Variants in NLRP14 observed in about 807,000 individuals in gnomAD.
NLRP14 encodes NLR family pyrin domain containing 14, also known as NACHT, LRR and PYD domains-containing protein 14.
A neutral mutation model predicts 94.7 loss-of-function variants in NLRP14; 105 were observed. The observed-to-expected ratio is 1.11, with a 90% CI of 0.95 to 1.30. The LOEUF (loss-of-function observed/expected upper bound fraction) is 1.30. Among genes scored for constraint, NLRP14 ranks in the 50% most tolerant of loss-of-function variants. NLRP14 has a pLI of 0.00. For missense variants in NLRP14, 1,362 were observed against 1,254.1 expected (o/e 1.09, Z -1.30); for synonymous variants, 508 against 459.9 (o/e 1.10, Z -1.34).
chr11:7,087,734 A>T, the NLRP14 span, among the ~76,000 whole-genome samples: 1 of 152,246 alleles, frequency 6.6e-6, no homozygotes, highest in Non-Finnish European at 1.5e-5. Flanking sequence ...AGAAACAAAG[A>T]CAAATCACTT....
intron 1 of NLRP14, among the ~76,000 whole-genome samples, chr11:7,023,973 G>C (rs1433103793): frequency 6.6e-6 from 1 of 152,038 alleles, no homozygotes; most frequent in East Asian, 1.9e-4. Flanking sequence ...TCCACTGTTA[G>C]AGATTACATT....
At chr11:7,062,810 A>G (rs1852645692) in intron 10 of NLRP14, among the ~76,000 whole-genome samples, 1 of 151,968 alleles carries the variant, frequency 6.6e-6, no homozygotes, top group South Asian at 2.1e-4. Context: ...CTTTGAATTA[A>G]TTTTTTTATT....
At chr11:7,049,071 T>TTTGGACA (rs1406494674) in intron 5 of NLRP14, among the ~76,000 whole-genome samples, 1 of 151,926 alleles carries the variant, frequency 6.6e-6, no homozygotes, top group African/African-American at 2.4e-5. Flanking sequence ...AAAGCGAGGT[T>TTTGGACA]TTGGACAGTG....
chr11:7,036,030 T>C (rs975222553), intron 1 of NLRP14, among the ~76,000 whole-genome samples: 2 of 152,232 alleles, frequency 1.3e-5, no homozygotes, highest in Admixed American at 1.3e-4. Context: ...AATCAAACTT[T>C]CAGGTCTGTT....
At chr11:7,056,982 C>G (rs1032459958) in intron 6 of NLRP14, among the ~76,000 whole-genome samples, 1 of 151,840 alleles carries the variant, frequency 6.6e-6, no homozygotes, top group Non-Finnish European at 1.5e-5. Context: ...TTGAGTGACT[C>G]AAGTTGGTAA....
intron 10 of NLRP14, among the ~76,000 whole-genome samples, chr11:7,068,457 A>T (rs1852741271): frequency 1.3e-5 from 2 of 152,072 alleles, no homozygotes; most frequent in Admixed American, 1.3e-4. Flanking sequence ...ACTTCCCTAG[A>T]ACTTTTTTCT....
At chr11:7,085,427 T>G in the NLRP14 span, among the ~76,000 whole-genome samples, 2 of 152,228 alleles carry the variant, frequency 1.3e-5, no homozygotes, top group African/African-American at 4.8e-5. Flanking sequence ...CATTCTACTT[T>G]CTGTCTCTAT....
At chr11:7,026,068 G>A (rs1039518424) in intron 1 of NLRP14, among the ~76,000 whole-genome samples, 2 of 152,200 alleles carry the variant, frequency 1.3e-5, no homozygotes, top group Non-Finnish European at 2.9e-5. Context: ...TGATGAATGT[G>A]TTTTTAATTG....
upstream of NLRP14, chr11:7,020,449 T>G (rs868559673): frequency 6.6e-6 from 1 of 152,132 alleles, no homozygotes; most frequent in Non-Finnish European, 1.5e-5. Flanking sequence ...GCCAGAAGTA[T>G]CCCGCGCCTC....
the NLRP14 span, among the ~76,000 whole-genome samples, chr11:7,082,937 A>T: frequency 6.6e-6 from 1 of 152,356 alleles, no homozygotes; most frequent in African/African-American, 2.4e-5. Context: ...AGGAATTCTG[A>T]CATAAAGTTT....
At chr11:7,089,652 C>T in the NLRP14 span, 19 of 1,388,512 alleles carry the variant, frequency 1.4e-5, no homozygotes, top group East Asian at 2.8e-5. Flanking sequence ...CGGTGGAATG[C>T]GCGGGAGGGC....
the NLRP14 span, chr11:7,089,656 G>T: frequency 7.1e-7 from 1 of 1,408,968 alleles, no homozygotes; most frequent in Non-Finnish European, 9.2e-7. Context: ...GGAATGCGCG[G>T]GAGGGCCCTG....
Position 7,067,202 on chromosome 11 carries a change from C to A in NLRP14, c.2976-3084C>A, listed in dbSNP as rs1852718125. Among the ~76,000 whole-genome samples the A allele has an allele frequency of 2.0e-5, 3 of 151,964 alleles. No individual in the cohort carries two copies. In the South Asian group the frequency reaches 6.2e-4, roughly 32 times the overall value. On this transcript the variant is annotated intron_variant, in intron 10 of 11. Transcript: ENST00000299481. ...CTATACGGGCTCTTTTTTGGTTCCA[C>A]ATGAAATTTAAAGTAGTTTTTTCTA... is the stretch of plus-strand genomic sequence containing the variant.
At chr11:7,024,751 ATATGTGAGTAAAATGTGAAAAAAG>A (rs1438792318) in intron 1 of NLRP14, among the ~76,000 whole-genome samples, 1 of 147,304 alleles carries the variant, frequency 6.8e-6, no homozygotes, top group Non-Finnish European at 1.5e-5. Context: ...AATGGAAAAA[ATATGTGAGTAAAATGTGAAAAAAG>A]TATGTATTTC....
chr11:7,036,930 G>A (rs10839699), intron 1 of NLRP14, among the ~76,000 whole-genome samples: 93,856 of 151,976 alleles, frequency 0.62, 29,283 homozygotes, highest in East Asian at 0.74. Context: ...ATTTCTAATG[G>A]ATTAAATCCC....
At chr11:7,044,968 G>A (rs1589863350) in intron 4 of NLRP14, among the ~76,000 whole-genome samples, 1 of 152,114 alleles carries the variant, frequency 6.6e-6, no homozygotes, top group South Asian at 2.1e-4. Context: ...GTCTTATTAG[G>A]TAGGTGCTAT....
At chr11:7,070,797 G>A (rs1852782807) in intron 11 of NLRP14, among the ~76,000 whole-genome samples, 1 of 152,100 alleles carries the variant, frequency 6.6e-6, no homozygotes, top group Non-Finnish European at 1.5e-5. Context: ...TTATCATGAG[G>A]ATCTGAGTCA....
At chr11:7,089,434 C>G in the NLRP14 span, 3 of 1,546,538 alleles carry the variant, frequency 1.9e-6, no homozygotes, top group Non-Finnish European at 2.6e-6. Context: ...CGCGGTCGCC[C>G]GAGGTTCCTG....
In NLRP14 at chr11:7,058,357, A is replaced by G. The variant is rs1055956616; in HGVS notation, c.2540A>G (p.His847Arg). ...LALISNKRLT[H>R]LCLADNVLGD... The stretch of plus-strand genomic sequence containing the variant: ...CTCATCAGCAATAAAAGACTGACAC[A>G]TTTGTGCTTGGCAGACAATGTCTTG... Residue 847 changes from histidine to arginine, a missense_variant, in exon 8 of 12, where the codon CAT becomes CGT. His to Arg is a conservative substitution (Grantham distance 29, BLOSUM62 0). Coordinates refer to ENST00000299481, the MANE Select transcript of NLRP14 (RefSeq NM_176822.4). 1.2e-6 allele frequency: 2 copies of G among 1,612,774 alleles called. No homozygotes were observed. The highest frequency in any genetic ancestry group is 1.3e-5 in the African/African-American group (1 of 74,832).
Sources: gnomAD v4.1 joint callset for allele counts (sites outside exome capture counted in the v4.1 genomes callset) on GRCh38, gnomAD v4.1.1 for gene constraint, MANE v1.5 for transcripts, NCBI Gene and HGNC (gene_info 2026-07-23, HGNC 2026-07-21) for gene names.